EXOC4: variants seen among roughly 807,000 people sequenced by gnomAD.
The protein encoded by EXOC4 is SEC8-like 1.
Under a neutral mutation model 107.2 loss-of-function variants are expected in EXOC4, and 71 were observed. The observed-to-expected ratio is 0.66, with a 90% confidence interval of 0.55 to 0.81. The LOEUF is 0.81. EXOC4 is among the 30% of genes least tolerant of loss of function. The probability of loss-of-function intolerance (pLI) is 0.00; values close to 1 mark genes in which losing one functional copy is unlikely to be tolerated. For synonymous variants in EXOC4, 456 were observed against 441.2 expected (o/e 1.03, Z -0.42); for missense variants, 1,108 against 1,189.6 (o/e 0.93, Z 1.01).
chr7:133,875,544 T>C (rs973850603), intron 11 of EXOC4, among the ~76,000 whole-genome samples: 1 of 152,184 alleles, frequency 6.6e-6, no homozygotes, highest in African/African-American at 2.4e-5. Context: ...CTGCTGGCAT[T>C]GGAGTGGCCT....
At chr7:134,070,635 A>C (rs1796261552), downstream of EXOC4, among the ~76,000 whole-genome samples, 1 of 152,166 alleles carries the variant, frequency 6.6e-6, no homozygotes, top group Admixed American at 6.5e-5. Flanking sequence ...GTCTGGGCCA[A>C]AGACGCGTCT....
chr7:133,714,434 G>A (rs185442468), intron 10 of EXOC4, among the ~76,000 whole-genome samples: 1 of 152,202 alleles, frequency 6.6e-6, no homozygotes, highest in African/African-American at 2.4e-5. Context: ...TAGTGGTGTA[G>A]TGACTTGCCT....
intron 9 of EXOC4, among the ~76,000 whole-genome samples, chr7:133,490,367 T>G (rs1444501660): frequency 6.6e-6 from 1 of 152,188 alleles, no homozygotes; most frequent in East Asian, 1.9e-4. Context: ...GTTGTGTGTA[T>G]GTATATAGAC....
At chr7:133,824,329 C>T (rs1797647153) in intron 11 of EXOC4, among the ~76,000 whole-genome samples, 1 of 151,988 alleles carries the variant, frequency 6.6e-6, no homozygotes. Context: ...CCAACCCCTG[C>T]CCTCTCTGCC....
chr7:133,895,548 A>G (rs371543859), intron 11 of EXOC4, 51 bp from the exon 12 acceptor site: 3 of 1,586,332 alleles, frequency 1.9e-6, no homozygotes, highest in Non-Finnish European at 1.7e-6. Flanking sequence ...TTCCTTGTCC[A>G]ACACATTGAC....
intron 10 of EXOC4, among the ~76,000 whole-genome samples, chr7:133,724,225 CA>C (rs1171394976): frequency 6.6e-6 from 1 of 152,182 alleles, no homozygotes; most frequent in African/African-American, 2.4e-5. Context: ...AAAAGTCTTA[CA>C]GTCTTCTTTT....
At chr7:133,318,064 C>T (rs754266447) in intron 5 of EXOC4, among the ~76,000 whole-genome samples, 1 of 152,180 alleles carries the variant, frequency 6.6e-6, no homozygotes, top group Admixed American at 6.5e-5. Context: ...ACTTATTTAT[C>T]TCATGTATTG....
intron 9 of EXOC4, among the ~76,000 whole-genome samples, chr7:133,524,124 A>T (rs1041781112): frequency 4.3e-5 from 6 of 140,042 alleles, no homozygotes; most frequent in Admixed American, 7.2e-5. Flanking sequence ...TGACTTTTTA[A>T]TGATTGCCAT....
At chr7:133,998,309 G>A (rs1168258344) in intron 15 of EXOC4, among the ~76,000 whole-genome samples, 1 of 152,186 alleles carries the variant, frequency 6.6e-6, no homozygotes, top group African/African-American at 2.4e-5. Flanking sequence ...CATTTTAAGT[G>A]CTTGGTAGCT....
At chr7:133,824,887 C>T (rs564268485) in intron 11 of EXOC4, among the ~76,000 whole-genome samples, 107 of 152,270 alleles carry the variant, frequency 7.0e-4, no homozygotes, top group African/African-American at 2.4e-3. Context: ...CATCTCAATC[C>T]TTACCTTAAT....
chr7:133,394,292 G>T (rs1246727217), intron 7 of EXOC4, among the ~76,000 whole-genome samples: 1 of 152,028 alleles, frequency 6.6e-6, no homozygotes, highest in Non-Finnish European at 1.5e-5. Flanking sequence ...TTAAATTTTT[G>T]ATTTTTCATT....
chr7:133,553,177 T>C (rs1287756059), intron 9 of EXOC4, among the ~76,000 whole-genome samples: 2 of 152,188 alleles, frequency 1.3e-5, no homozygotes, highest in Admixed American at 6.5e-5. Flanking sequence ...AGATAATGGA[T>C]ATGAAGTGTT....
rs191715097 is a variant in EXOC4 at position 133,624,317 on chromosome 7, T to A, written c.1418-5728T>A. ...TTATTTTTAATTGAAAAATAAAGAG[T>A]AGGGCTGGGTACTCCCTACTACTTT... On this transcript the variant is annotated intron_variant, in intron 9 of 17. Coordinates refer to ENST00000253861, the MANE Select transcript of EXOC4 (RefSeq NM_021807.4). Among the ~76,000 whole-genome samples the A allele has an allele frequency of 1.2e-3, 187 of 152,126 alleles. 1 individual carries two copies. Among genetic ancestry groups the A allele is most frequent in the African/African-American group, 4.1e-3 (170 of 41,486 alleles).
At position 133,787,985 on chromosome 7, in the gene EXOC4, A is replaced by T. The variant is rs867786863; in HGVS notation, c.1515-29340A>T. Among the ~76,000 whole-genome samples, 5 of 93,484 alleles carry T rather than the reference A, an allele frequency of 5.3e-5. 1 individual carries two copies. The highest frequency in any genetic ancestry group is 2.2e-4 in the African/African-American group (5 of 22,778). The allele number at this position is 93,484 out of a possible 152,430, so 61.3% of individuals were successfully genotyped here. A position where few individuals can be genotyped will look rare whatever the true frequency, so the allele number is the denominator to read the frequency against. On this transcript the variant is annotated intron_variant, in intron 10 of 17. Transcript: ENST00000253861. ...TATTTATATATATATATATATATAT[A>T]TATATATATATATATATATATATAT...
chr7:133,728,050 G>A (rs1795252420), intron 10 of EXOC4, among the ~76,000 whole-genome samples: 2 of 152,140 alleles, frequency 1.3e-5, no homozygotes, highest in Non-Finnish European at 2.9e-5. Flanking sequence ...CAGCAAATGA[G>A]TATCTGATTC....
intron 7 of EXOC4, among the ~76,000 whole-genome samples, chr7:133,385,135 A>G (rs1275341160): frequency 6.6e-6 from 1 of 152,236 alleles, no homozygotes; most frequent in Admixed American, 6.5e-5. Context: ...ACTAGAGAGC[A>G]TTCTAAAGGG....
intron 11 of EXOC4, among the ~76,000 whole-genome samples, chr7:133,865,838 C>T (rs1798627125): frequency 1.3e-5 from 2 of 152,210 alleles, no homozygotes; most frequent in Admixed American, 6.5e-5. Context: ...AATCACCTCT[C>T]ACCAAGCCCC....
chr7:133,810,394 A>T (rs1797192045), intron 10 of EXOC4, among the ~76,000 whole-genome samples: 1 of 152,146 alleles, frequency 6.6e-6, no homozygotes, highest in Admixed American at 6.5e-5. Flanking sequence ...AAAATTTTGA[A>T]AATATTGGGT....
chr7:133,399,594 A>G (rs550433834), intron 7 of EXOC4, among the ~76,000 whole-genome samples: 30 of 152,352 alleles, frequency 2.0e-4, no homozygotes, highest in African/African-American at 6.3e-4. Flanking sequence ...CTGGGTTAAA[A>G]TAACACTGAG....
Sources: gnomAD v4.1 joint callset for allele counts (sites outside exome capture counted in the v4.1 genomes callset) on GRCh38, gnomAD v4.1.1 for gene constraint, MANE v1.5 for transcripts, NCBI Gene and HGNC (gene_info 2026-07-23, HGNC 2026-07-21) for gene names.